ASPRV1: variants seen among roughly 807,000 people sequenced by gnomAD.
The protein encoded by ASPRV1 is aspartic peptidase retroviral like 1.
In ASPRV1, 7 loss-of-function variants were observed where a neutral mutation model predicts 11.0. That is an observed-to-expected ratio of 0.64 (90% CI 0.36 to 1.20). The LOEUF (loss-of-function observed/expected upper bound fraction) is 1.20, where lower values mean the gene tolerates loss of function less well. Ranked by LOEUF, ASPRV1 falls within the 50% of genes most tolerant of loss-of-function variation. ASPRV1 has a pLI of 0.02. For synonymous variants in ASPRV1, 136 were observed against 138.4 expected (o/e 0.98, Z 0.12); for missense variants, 299 against 320.0 (o/e 0.93, Z 0.50).
chr2:70,030,515 G>A, the ASPRV1 span: 15 of 152,226 alleles, frequency 9.9e-5, no homozygotes, highest in African/African-American at 3.4e-4. Flanking sequence ...CAGTTAAATA[G>A]ATTTTATAAA....
chr2:70,075,830 C>CA, the ASPRV1 span, among the ~76,000 whole-genome samples: 1 of 150,256 alleles, frequency 6.7e-6, no homozygotes, highest in African/African-American at 2.5e-5. Context: ...GCCTGGGCAA[C>CA]AAGAGCAAAA....
chr2:70,020,323 G>GCAAGGTACAAGCAACCCA, the ASPRV1 span, among the ~76,000 whole-genome samples: 19 of 152,182 alleles, frequency 1.2e-4, no homozygotes, highest in African/African-American at 4.1e-4. Context: ...ACAATAGCAA[G>GCAAGGTACAAGCAACCCA]CAAGGTACAA....
At chr2:69,959,968 C>T (rs1223586721), downstream of ASPRV1, 1 of 152,200 alleles carries the variant, frequency 6.6e-6, no homozygotes, top group African/African-American at 2.4e-5. Context: ...CAAGACCTGT[C>T]ATCCCTGTGT....
chr2:70,085,824 T>C, the ASPRV1 span: 1 of 152,256 alleles, frequency 6.6e-6, no homozygotes, highest in East Asian at 1.9e-4. Flanking sequence ...ACCGGCCAAC[T>C]GTCCTATGAA....
the ASPRV1 span, among the ~76,000 whole-genome samples, chr2:70,055,326 C>T: frequency 9.9e-5 from 15 of 151,858 alleles, no homozygotes; most frequent in South Asian, 3.1e-3. Context: ...GAAAAAGACA[C>T]GCACACGTAT....
At chr2:70,063,657 G>C in the ASPRV1 span, among the ~76,000 whole-genome samples, 1 of 152,120 alleles carries the variant, frequency 6.6e-6, no homozygotes, top group African/African-American at 2.4e-5. Context: ...ATTTAGGTGG[G>C]GGAAAAGTTA....
At chr2:69,984,786 T>C in the ASPRV1 span, among the ~76,000 whole-genome samples, 1 of 147,246 alleles carries the variant, frequency 6.8e-6, no homozygotes, top group African/African-American at 2.5e-5. Flanking sequence ...ACGCCCAGTT[T>C]TTTTGTATCT....
chr2:70,086,246 G>A, the ASPRV1 span: 1 of 152,186 alleles, frequency 6.6e-6, no homozygotes, highest in Non-Finnish European at 1.5e-5. Flanking sequence ...GGCGACGAAT[G>A]CTAACCACGT....
chr2:70,019,719 CATAGAA>C, the ASPRV1 span, among the ~76,000 whole-genome samples: 1 of 152,048 alleles, frequency 6.6e-6, no homozygotes, highest in African/African-American at 2.4e-5. Flanking sequence ...TAGTTGAACT[CATAGAA>C]ATAGAGAGTA....
chr2:70,059,344 T>C, the ASPRV1 span, among the ~76,000 whole-genome samples: 1 of 151,772 alleles, frequency 6.6e-6, no homozygotes, highest in African/African-American at 2.4e-5. Context: ...TGCAGGTTTG[T>C]TACATAGGTA....
chr2:69,970,769 C>T, the ASPRV1 span: 1 of 152,404 alleles, frequency 6.6e-6, no homozygotes, highest in Non-Finnish European at 1.5e-5. Context: ...CACCTTTTTC[C>T]CATGAAGCAT....
chr2:69,966,860 T>C, the ASPRV1 span, among the ~76,000 whole-genome samples: 1 of 151,952 alleles, frequency 6.6e-6, no homozygotes, highest in African/African-American at 2.4e-5. Context: ...GCTCCTAACA[T>C]ACAGAAGATG....
At chr2:70,073,389 A>G in the ASPRV1 span, 7 of 152,178 alleles carry the variant, frequency 4.6e-5, no homozygotes, top group African/African-American at 1.2e-4. Flanking sequence ...CTTAGTAGCT[A>G]AAAGTACGGG....
At chr2:70,062,843 A>C in the ASPRV1 span, among the ~76,000 whole-genome samples, 2 of 152,334 alleles carry the variant, frequency 1.3e-5, no homozygotes, top group East Asian at 3.9e-4. Flanking sequence ...TGAAGGTCCC[A>C]AAGCAGAAAA....
At chr2:69,937,171 C>T in the ASPRV1 span, 76 of 1,587,790 alleles carry the variant, frequency 4.8e-5, no homozygotes, top group Non-Finnish European at 5.9e-5. Flanking sequence ...AGGGAAGATG[C>T]GGGGGCCATT....
chr2:70,032,030 T>TCTC, the ASPRV1 span: 2 of 152,324 alleles, frequency 1.3e-5, no homozygotes, highest in Middle Eastern at 3.4e-3. Context: ...ATTGCTATTC[T>TCTC]CTGACCACAG....
the ASPRV1 span, among the ~76,000 whole-genome samples, chr2:70,021,469 C>G: frequency 6.6e-6 from 1 of 151,814 alleles, no homozygotes; most frequent in Non-Finnish European, 1.5e-5. Flanking sequence ...CAGGTGCACA[C>G]TGCCACGCCC....
the ASPRV1 span, chr2:70,015,825 T>C: frequency 6.6e-6 from 1 of 152,142 alleles, no homozygotes; most frequent in Admixed American, 6.6e-5. Flanking sequence ...TAGCTGGACA[T>C]GGTGGCTCCC....
the ASPRV1 span, among the ~76,000 whole-genome samples, chr2:69,971,815 CTCTGCGCAG>C: frequency 1.1e-4 from 17 of 152,300 alleles, no homozygotes; most frequent in South Asian, 3.5e-3. Flanking sequence ...AGAAAGGTGC[CTCTGCGCAG>C]TCTTTGGCCT....
Sources: allele counts gnomAD v4.1 joint callset (sites outside exome capture counted in the v4.1 genomes callset), GRCh38; gene constraint gnomAD v4.1.1; transcripts MANE v1.5; gene names NCBI Gene and HGNC (gene_info 2026-07-23, HGNC 2026-07-21).